Variants in PRKCZ observed in about 807,000 individuals in gnomAD.
PRKCZ encodes protein kinase C zeta type.
A neutral mutation model predicts 79.5 loss-of-function variants in PRKCZ; 33 were observed. That is an observed-to-expected ratio of 0.41 (90% CI 0.31 to 0.55). The LOEUF is 0.55. Ranked by LOEUF, PRKCZ falls within the 20% of genes least tolerant of loss-of-function variation. The probability of loss-of-function intolerance (pLI) is 0.19; values close to 1 mark genes in which losing one functional copy is unlikely to be tolerated. For missense variants in PRKCZ, 578 were observed against 813.5 expected (o/e 0.71, Z 3.52); for synonymous variants, 342 against 320.9 (o/e 1.07, Z -0.70).
chr1:2,131,884 T>TCACTGCAAGCTC (rs1478223060), intron 4 of PRKCZ, among the ~76,000 whole-genome samples: 2 of 152,244 alleles, frequency 1.3e-5, no homozygotes, highest in African/African-American at 4.8e-5. Context: ...CGATCGCGGC[T>TCACTGCAAGCTC]CACTGCAAGC....
intron 4 of PRKCZ, among the ~76,000 whole-genome samples, chr1:2,115,547 G>A (rs1670592852): frequency 1.3e-5 from 2 of 152,280 alleles, no homozygotes; most frequent in Admixed American, 6.5e-5. Flanking sequence ...TGACGTTAGC[G>A]CAGACCCTGC....
In PRKCZ at chr1:2,094,047, CT is replaced by C. The variant is rs1665985307; in HGVS notation, c.334+34459del. On this transcript the variant is annotated intron_variant, in intron 4 of 17. Coordinates refer to ENST00000378567, the MANE Select transcript of PRKCZ (RefSeq NM_002744.6). This position sits in a 1 kb window ranked among gnomAD's most constrained non-coding sequence, Gnocchi z 7.3. ...CACGTCCACAGCACCTGCCAGCCCA[CT>C]TTGGGTGACCCTCCTGTTTGTCCTG... 6.6e-6 allele frequency among the ~76,000 whole-genome samples: 1 copy of C among 152,176 alleles called. No individual in the cohort carries two copies. The highest frequency in any genetic ancestry group is 1.5e-5 in the Non-Finnish European group (1 of 68,036).
chr1:2,114,040 C>T (rs1309735328), intron 4 of PRKCZ, among the ~76,000 whole-genome samples: 5 of 152,014 alleles, frequency 3.3e-5, no homozygotes, highest in African/African-American at 1.2e-4. Context: ...GTGTGTGGTG[C>T]GTGTGGCGCG....
chr1:2,096,973 T>C (rs558403608), intron 4 of PRKCZ, among the ~76,000 whole-genome samples: 1 of 152,340 alleles, frequency 6.6e-6, no homozygotes, highest in South Asian at 2.1e-4. Context: ...CACGGCCCTG[T>C]GGTGTCTCAC....
At chr1:2,100,336 G>A (rs1242838112) in intron 4 of PRKCZ, among the ~76,000 whole-genome samples, 2 of 152,214 alleles carry the variant, frequency 1.3e-5, no homozygotes, top group South Asian at 2.1e-4. Flanking sequence ...CTGGCTAAGC[G>A]GATGGCACAA....
chr1:2,101,407 T>C (rs1187431461), intron 4 of PRKCZ, among the ~76,000 whole-genome samples: 1 of 152,202 alleles, frequency 6.6e-6, no homozygotes. Context: ...CCCTCCTTCC[T>C]TTCTTTCCCT....
At chr1:2,106,918 G>T (rs1024212384) in intron 4 of PRKCZ, among the ~76,000 whole-genome samples, 2 of 149,578 alleles carry the variant, frequency 1.3e-5, no homozygotes, top group Non-Finnish European at 3.0e-5. Context: ...AAGCCCCTCC[G>T]GTGGGCGAGG....
intron 16 of PRKCZ, among the ~76,000 whole-genome samples, chr1:2,180,373 A>T (rs1158763762): frequency 6.6e-6 from 1 of 151,912 alleles, no homozygotes; most frequent in East Asian, 1.9e-4. Context: ...GACGATGTGG[A>T]CGCACAGACG....
At chr1:2,059,418 A>G in intron 3 of PRKCZ, 123 bp from the exon 4 acceptor site, 1 of 1,166,984 alleles carries the variant, frequency 8.6e-7, no homozygotes, top group South Asian at 1.3e-5. Context: ...TCTCATTGGC[A>G]GTGCCACGTG....
chr1:2,147,953 C>T (rs1200679254), intron 7 of PRKCZ, among the ~76,000 whole-genome samples: 1 of 149,456 alleles, frequency 6.7e-6, no homozygotes, highest in Non-Finnish European at 1.5e-5. Context: ...TATCTATTGT[C>T]CACTGACCTC....
chr1:2,183,584 G>T (rs1687069748), intron 16 of PRKCZ: 1 of 152,472 alleles, frequency 6.6e-6, no homozygotes, highest in Non-Finnish European at 1.5e-5. Context: ...AGCGAGCCTG[G>T]GTAATTTCTA....
rs1352681255 is a variant in PRKCZ, at chr1:2,172,748, G to C, written c.1285+360G>C. Among the ~76,000 whole-genome samples the C allele has an allele frequency of 1.3e-5, 2 of 152,348 alleles. No homozygotes were observed. The highest frequency in any genetic ancestry group is 1.9e-4 in the East Asian group (1 of 5,180). ...GCTGTTGTCTGGGGAGCCCCAGGGGGTGCAGGAGCGTGTGGACAGGACCCC... is the reference window on the plus strand; with the variant it reads ...GCTGTTGTCTGGGGAGCCCCAGGGGCTGCAGGAGCGTGTGGACAGGACCCC... On this transcript the variant is annotated intron_variant, in intron 13 of 17. Transcript: ENST00000378567. The surrounding 1 kb of genome is among the most constrained non-coding windows in gnomAD (Gnocchi z 7.8).
In PRKCZ at chr1:2,056,761, C is replaced by T. The variant is rs562256153; in HGVS notation, c.283+188C>T. 3.9e-4 allele frequency among the ~76,000 whole-genome samples: 56 copies of T among 141,950 alleles called. No individual in the cohort carries two copies. In the South Asian group the frequency reaches 0.012, roughly 29 times the overall value. 93.1% of individuals were successfully genotyped at this position (141,950 alleles called of 152,430 possible). ...TTTTTTTTTTTGAGACGGAGTCTTG[C>T]TCTGTTGCCCAGGCTGGAGTGCAGT... is the stretch of plus-strand genomic sequence containing the variant. On this transcript the variant is annotated intron_variant, in intron 3 of 17. Coordinates refer to ENST00000378567, the MANE Select transcript of PRKCZ (RefSeq NM_002744.6).
At chr1:2,156,253 T>G (rs1681026679) in intron 10 of PRKCZ, 161 bp downstream of exon 10, 2 of 611,156 alleles carry the variant, frequency 3.3e-6, no homozygotes, top group South Asian at 3.6e-5. Flanking sequence ...TCTCCTTGGT[T>G]GGTGTCATAT....
At chr1:2,121,326 G>A (rs72907476) in intron 4 of PRKCZ, among the ~76,000 whole-genome samples, 3,137 of 152,288 alleles carry the variant, frequency 0.021, 84 homozygotes, top group African/African-American at 0.064. Flanking sequence ...CGAACAAGGC[G>A]TGTACTTCCG....
chr1:2,089,431 C>T (rs906810402), intron 4 of PRKCZ, among the ~76,000 whole-genome samples: 1 of 152,120 alleles, frequency 6.6e-6, no homozygotes, highest in African/African-American at 2.4e-5. Context: ...GGAGGCACCA[C>T]GAGGGGTGGC....
chr1:2,132,568 G>A (rs1365349248), intron 4 of PRKCZ, among the ~76,000 whole-genome samples: 1 of 152,218 alleles, frequency 6.6e-6, no homozygotes. Flanking sequence ...GGGTTGCTTC[G>A]ATGGTTCTCG....
At chr1:2,085,301 C>T (rs1411684694) in intron 4 of PRKCZ, among the ~76,000 whole-genome samples, 1 of 152,242 alleles carries the variant, frequency 6.6e-6, no homozygotes, top group Non-Finnish European at 1.5e-5. Context: ...CACAGAAGGT[C>T]CCGGAGCAGG....
chr1:2,096,064 C>T lies in PRKCZ; in HGVS notation c.334+36473C>T, dbSNP rs181701000. Among the ~76,000 whole-genome samples, 1,332 of 151,534 alleles carry T rather than the reference C, an allele frequency of 8.8e-3. 22 individuals carry two copies. The highest frequency in any genetic ancestry group is 0.03 in the African/African-American group (1,254 of 41,238). ...TGGGATCAGGGCAGCCAGGCAGGGT[C>T]TCCTGCAGGAGCAGGCATAGTCCCA... On this transcript the variant is annotated intron_variant, in intron 4 of 17. Coordinates refer to ENST00000378567, the MANE Select transcript of PRKCZ (RefSeq NM_002744.6).
Sources: gnomAD v4.1 joint callset for allele counts (sites outside exome capture counted in the v4.1 genomes callset) on GRCh38, gnomAD v4.1.1 for gene constraint, Gnocchi (gnomAD v3.1) non-coding constraint, MANE v1.5 for transcripts, NCBI Gene and HGNC (gene_info 2026-07-23, HGNC 2026-07-21) for gene names.